PELI2: variants seen among roughly 807,000 people sequenced by gnomAD.
PELI2 encodes the protein pellino E3 ubiquitin protein ligase family member 2.
PELI2 carries 23 observed loss-of-function variants against 42.3 expected under a neutral mutation model. That is an observed-to-expected ratio of 0.54 (90% CI 0.39 to 0.77). The LOEUF (loss-of-function observed/expected upper bound fraction) is 0.77, where lower values mean the gene tolerates loss of function less well. PELI2 is among the 30% of genes least tolerant of loss of function. The probability of loss-of-function intolerance (pLI) is 0.00; values close to 1 mark genes in which losing one functional copy is unlikely to be tolerated. For missense variants in PELI2, 463 were observed against 553.2 expected (o/e 0.84, Z 1.64); for synonymous variants, 245 against 212.2 (o/e 1.15, Z -1.34).
intron 1 of PELI2, among the ~76,000 whole-genome samples, chr14:56,125,474 T>C (rs1883221905): frequency 6.6e-6 from 1 of 152,110 alleles, no homozygotes; most frequent in African/African-American, 2.4e-5. Flanking sequence ...GGGATCCTTT[T>C]GGACAAAATA....
chr14:56,190,118 T>TA (rs573506395), intron 2 of PELI2, among the ~76,000 whole-genome samples: 2 of 152,202 alleles, frequency 1.3e-5, no homozygotes, highest in Admixed American at 6.5e-5. Flanking sequence ...TAGTTATATT[T>TA]AAAAAAAATC....
intron 2 of PELI2, among the ~76,000 whole-genome samples, chr14:56,276,287 A>C (rs1485614487): frequency 6.6e-6 from 1 of 152,178 alleles, no homozygotes; most frequent in African/African-American, 2.4e-5. Flanking sequence ...TGTGAGCCCT[A>C]ATTCATGTAA....
chr14:56,268,597 C>T (rs755452755), intron 2 of PELI2, among the ~76,000 whole-genome samples: 15 of 152,198 alleles, frequency 9.9e-5, no homozygotes, highest in Non-Finnish European at 1.9e-4. Context: ...CGGCATTTTG[C>T]TCACATCTGG....
intron 1 of PELI2, among the ~76,000 whole-genome samples, chr14:56,121,889 G>A (rs1381729760): frequency 6.6e-6 from 1 of 152,202 alleles, no homozygotes; most frequent in African/African-American, 2.4e-5. Context: ...TGTTTTAATA[G>A]CAGAAAAGAT....
At chr14:56,171,628 C>G (rs1417701939) in intron 1 of PELI2, among the ~76,000 whole-genome samples, 1 of 152,150 alleles carries the variant, frequency 6.6e-6, no homozygotes. Context: ...CTCACATTCC[C>G]TAGGAGGCAG....
chr14:56,256,092 C>T (rs576815736), intron 2 of PELI2, among the ~76,000 whole-genome samples: 1 of 152,096 alleles, frequency 6.6e-6, no homozygotes, highest in Non-Finnish European at 1.5e-5. Context: ...CCTGTGTCAT[C>T]GGTGCTCATG....
At chr14:56,142,332 C>T (rs1883943170) in intron 1 of PELI2, among the ~76,000 whole-genome samples, 1 of 152,178 alleles carries the variant, frequency 6.6e-6, no homozygotes, top group South Asian at 2.1e-4. Flanking sequence ...AGGAAACTCC[C>T]ACCGAGCCAT....
chr14:56,172,031 A>G lies in PELI2; in HGVS notation c.78-6304A>G, dbSNP rs554166640. 1.2e-4 allele frequency among the ~76,000 whole-genome samples: 19 copies of G among 152,102 alleles called. No homozygotes were observed. The South Asian group carries it at 3.7e-3, about 30-fold the overall frequency. ...CTCCATCTCAAAAAAAAAGAAAAAG[A>G]AAAAAAGATTGGCAGGGAGAGGATG... On this transcript the variant is annotated intron_variant, in intron 1 of 5. Transcript: ENST00000267460.
At chr14:56,125,038 T>C (rs1883200649) in intron 1 of PELI2, among the ~76,000 whole-genome samples, 1 of 152,166 alleles carries the variant, frequency 6.6e-6, no homozygotes, top group Admixed American at 6.5e-5. Context: ...CTCTGCTCTT[T>C]GCAGAGTGGA....
At chr14:56,233,414 C>T (rs948757123) in intron 2 of PELI2, among the ~76,000 whole-genome samples, 2 of 152,078 alleles carry the variant, frequency 1.3e-5, no homozygotes, top group Non-Finnish European at 2.9e-5. Context: ...GAGATATAGA[C>T]CAATGGAACA....
At chr14:56,131,159 G>C (rs1883468093) in intron 1 of PELI2, among the ~76,000 whole-genome samples, 1 of 152,164 alleles carries the variant, frequency 6.6e-6, no homozygotes, top group Non-Finnish European at 1.5e-5. Flanking sequence ...GTGGCACTTG[G>C]TTTAGCTAAT....
intron 2 of PELI2, among the ~76,000 whole-genome samples, chr14:56,217,036 G>T (rs1045372198): frequency 1.6e-4 from 24 of 151,386 alleles, no homozygotes; most frequent in African/African-American, 5.1e-4. Context: ...GAGTGTAGTA[G>T]TGTGTTAAAT....
chr14:56,145,940 A>AT (rs565730121), intron 1 of PELI2, among the ~76,000 whole-genome samples: 1 of 152,184 alleles, frequency 6.6e-6, no homozygotes, highest in East Asian at 1.9e-4. Flanking sequence ...ATGCTTACAT[A>AT]TTTTTTACAG....
At chr14:56,235,489 T>A (rs77823388) in intron 2 of PELI2, among the ~76,000 whole-genome samples, 4 of 152,192 alleles carry the variant, frequency 2.6e-5, no homozygotes, top group Non-Finnish European at 5.9e-5. Context: ...GTGGCATCTT[T>A]CTTTGTTGCT....
At chr14:56,143,967 A>G (rs4636823) in intron 1 of PELI2, among the ~76,000 whole-genome samples, 2 of 151,986 alleles carry the variant, frequency 1.3e-5, no homozygotes, top group Non-Finnish European at 2.9e-5. Context: ...CTTCCAGACT[A>G]TCTTGGTGGA....
chr14:56,254,124 G>A (rs1888444119), intron 2 of PELI2, among the ~76,000 whole-genome samples: 1 of 152,170 alleles, frequency 6.6e-6, no homozygotes, highest in African/African-American at 2.4e-5. Context: ...ATGTTGGCCA[G>A]GCGTGGTGGC....
chr14:56,146,139 C>T (rs1429441868), intron 1 of PELI2, among the ~76,000 whole-genome samples: 1 of 152,178 alleles, frequency 6.6e-6, no homozygotes, highest in African/African-American at 2.4e-5. Flanking sequence ...CGTGGGATGA[C>T]TCAGTGTTCC....
chr14:56,122,379 G>A (rs939005405), intron 1 of PELI2, among the ~76,000 whole-genome samples: 5 of 152,154 alleles, frequency 3.3e-5, no homozygotes, highest in African/African-American at 9.7e-5. Context: ...TAGTTGATCT[G>A]GGCTGAGCTG....
At chr14:56,231,199 C>A (rs192133823) in intron 2 of PELI2, among the ~76,000 whole-genome samples, 3 of 152,200 alleles carry the variant, frequency 2.0e-5, no homozygotes, top group Non-Finnish European at 2.9e-5. Context: ...GACAGATCAA[C>A]GAGACAGAAA....
Sources: gnomAD v4.1 joint callset for allele counts (sites outside exome capture counted in the v4.1 genomes callset) on GRCh38, gnomAD v4.1.1 for gene constraint, MANE v1.5 for transcripts, NCBI Gene and HGNC (gene_info 2026-07-23, HGNC 2026-07-21) for gene names.